Variants in CPED1 observed in about 807,000 individuals in gnomAD.
CPED1 encodes cadherin like and PC-esterase domain containing 1, also known as cadherin-like and PC-esterase domain-containing protein 1.
In CPED1, 114 loss-of-function variants were observed where a neutral mutation model predicts 128.2. The observed-to-expected ratio is 0.89, with a 90% CI of 0.76 to 1.04. The LOEUF (loss-of-function observed/expected upper bound fraction) is 1.04, where lower values mean the gene tolerates loss of function less well. Ranked by LOEUF, CPED1 falls within the 50% of genes least tolerant of loss-of-function variation. The pLI is 0.00. For missense variants in CPED1, 1,211 were observed against 1,207.1 expected, an observed-to-expected ratio of 1.00 and a Z score of -0.05; for synonymous variants, 462 against 426.7, an observed-to-expected ratio of 1.08 and a Z score of -1.02.
At chr7:121,087,663 T>A in intron 5 of CPED1, among the ~76,000 whole-genome samples, 1 of 84,780 alleles carries the variant, frequency 1.2e-5, no homozygotes, top group Non-Finnish European at 2.3e-5. Context: ...TTCTTTTCTT[T>A]CCTGTTTTTT....
chr7:121,109,468 C>T (rs568874884), intron 7 of CPED1, among the ~76,000 whole-genome samples: 1 of 152,132 alleles, frequency 6.6e-6, no homozygotes, highest in African/African-American at 2.4e-5. Flanking sequence ...GGACTTCAAA[C>T]AGGAGAGGAA....
intron 7 of CPED1, among the ~76,000 whole-genome samples, chr7:121,123,130 TA>T (rs1454797876): frequency 3.3e-5 from 5 of 152,226 alleles, no homozygotes; most frequent in Non-Finnish European, 7.3e-5. Context: ...ATACAATTAT[TA>T]CATTTATTTT....
At chr7:121,016,611 T>C (rs1792307933) in intron 3 of CPED1, among the ~76,000 whole-genome samples, 4 of 152,202 alleles carry the variant, frequency 2.6e-5, no homozygotes, top group South Asian at 2.1e-4. Flanking sequence ...ATCTTACATC[T>C]GGTGTGAGGG....
Position 121,284,291 on chromosome 7 carries a change from C to T in CPED1, c.2869-11149C>T, listed in dbSNP as rs982301975. ...CTCCCACGAGGTCCCTCTCATAACA[C>T]GTGTGGATTATGGGAACTAAAACTC... On this transcript the variant is annotated intron_variant, in intron 22 of 22. Coordinates refer to ENST00000310396, the MANE Select transcript of CPED1 (RefSeq NM_024913.5). Among the ~76,000 whole-genome samples, 9 of 152,110 alleles carry T rather than the reference C, an allele frequency of 5.9e-5. No homozygotes were observed. In the East Asian group the frequency reaches 1.2e-3, roughly 20 times the overall value.
chr7:121,145,529 T>C (rs1796005801), intron 16 of CPED1, among the ~76,000 whole-genome samples: 1 of 152,042 alleles, frequency 6.6e-6, no homozygotes, highest in Non-Finnish European at 1.5e-5. Flanking sequence ...GTCAAATGAG[T>C]GAACACAAAA....
At position 121,078,179 on chromosome 7, in the gene CPED1, G is replaced by T. The variant is rs1156599731; in HGVS notation, c.616+13866G>T. ...CCTGCCTCAGTCTCCCGAGTAGCTG[G>T]GACTATAGGTGTGCACCACCACACC... On this transcript the variant is annotated intron_variant, in intron 5 of 22. Transcript: ENST00000310396. Among the ~76,000 whole-genome samples the T allele has an allele frequency of 3.9e-5, 6 of 151,988 alleles. No individual in the cohort carries two copies. The East Asian group carries it at 1.2e-3, about 29-fold the overall frequency.
intron 18 of CPED1, among the ~76,000 whole-genome samples, chr7:121,253,723 G>A (rs1798741249): frequency 6.6e-6 from 1 of 151,936 alleles, no homozygotes; most frequent in African/African-American, 2.4e-5. Flanking sequence ...AAAGTAAAGG[G>A]ATGAAGAAAG....
At chr7:121,077,914 A>G (rs1044315604) in intron 5 of CPED1, among the ~76,000 whole-genome samples, 1 of 152,052 alleles carries the variant, frequency 6.6e-6, no homozygotes, top group African/African-American at 2.4e-5. Flanking sequence ...TTTCAGGCTT[A>G]GAGTATCCTC....
chr7:121,072,507 T>G (rs1047347072), intron 5 of CPED1, among the ~76,000 whole-genome samples: 1 of 152,150 alleles, frequency 6.6e-6, no homozygotes, highest in African/African-American at 2.4e-5. Context: ...CTTTTTTCAA[T>G]TCAGTATGGG....
Position 121,272,273 on chromosome 7 carries a change from A to G in CPED1, c.2868+843A>G, listed in dbSNP as rs1045237598. Among the ~76,000 whole-genome samples, 3 of 151,946 alleles carry G rather than the reference A, an allele frequency of 2.0e-5. No individual in the cohort carries two copies. The East Asian group carries it at 5.8e-4, about 29-fold the overall frequency. On this transcript the variant is annotated intron_variant, in intron 22 of 22. Transcript: ENST00000310396. ...TCCTTCTCTACTTTTATTCTTCTACATTTTTCTGCGTTGGTCAGAGTAGAG... is the reference window on the plus strand; with the variant it reads ...TCCTTCTCTACTTTTATTCTTCTACGTTTTTCTGCGTTGGTCAGAGTAGAG...
At chr7:121,046,038 G>GATATAGAT (rs1300569840) in intron 3 of CPED1, among the ~76,000 whole-genome samples, 2 of 151,680 alleles carry the variant, frequency 1.3e-5, no homozygotes, top group East Asian at 3.9e-4. Flanking sequence ...TCTATATGTA[G>GATATAGAT]ATATAGATAT....
chr7:121,187,172 A>G (rs1797021503), intron 16 of CPED1, among the ~76,000 whole-genome samples: 1 of 152,226 alleles, frequency 6.6e-6, no homozygotes. Flanking sequence ...TATAATAATT[A>G]CAGATTATGC....
rs1427403431 is a variant in CPED1 at position 121,296,580 on chromosome 7, T to G, written c.*928T>G. ...ATAGGTGCTTTTTCCCACCAAGCAT[T>G]TGCATATGTCCACAAATAGTATTAT... On this transcript the variant is annotated 3_prime_UTR_variant, in exon 23 of 23. Coordinates refer to ENST00000310396, the MANE Select transcript of CPED1 (RefSeq NM_024913.5). The G allele has an allele frequency of 6.6e-6, 1 of 152,156 alleles. No homozygotes were observed. The highest frequency in any genetic ancestry group is 1.5e-5 in the Non-Finnish European group (1 of 67,970). The allele number at this position is 152,156 out of a possible 1,614,324, so 9.4% of individuals were successfully genotyped here. A position where few individuals can be genotyped will look rare whatever the true frequency, so the allele number is the denominator to read the frequency against.
chr7:121,024,788 A>T (rs1348591281), intron 3 of CPED1, among the ~76,000 whole-genome samples: 1 of 152,176 alleles, frequency 6.6e-6, no homozygotes, highest in Non-Finnish European at 1.5e-5. Context: ...ATTTGTAAAA[A>T]CACATAATAT....
intron 3 of CPED1, among the ~76,000 whole-genome samples, chr7:121,032,244 C>T (rs1415044995): frequency 6.6e-6 from 1 of 151,796 alleles, no homozygotes; most frequent in Non-Finnish European, 1.5e-5. Flanking sequence ...TAAGGACAAA[C>T]AAAAGAAGCA....
At chr7:121,052,645 G>A (rs1224968069) in intron 4 of CPED1, among the ~76,000 whole-genome samples, 1 of 152,178 alleles carries the variant, frequency 6.6e-6, no homozygotes, top group Non-Finnish European at 1.5e-5. Flanking sequence ...TGAGAAGGGG[G>A]TTATGGGTGA....
chr7:121,194,314 G>C (rs1291613213), intron 16 of CPED1, among the ~76,000 whole-genome samples: 1 of 151,872 alleles, frequency 6.6e-6, no homozygotes, highest in African/African-American at 2.4e-5. Context: ...GCCTCCCAAA[G>C]TGCTGGGATT....
At chr7:121,204,751 T>C (rs1462091034) in intron 16 of CPED1, among the ~76,000 whole-genome samples, 1 of 152,166 alleles carries the variant, frequency 6.6e-6, no homozygotes, top group Non-Finnish European at 1.5e-5. Flanking sequence ...AGGTCAAGTT[T>C]CCTGGCAGCC....
chr7:121,069,992 G>A (rs750059860), intron 5 of CPED1, among the ~76,000 whole-genome samples: 8 of 151,846 alleles, frequency 5.3e-5, no homozygotes, highest in Non-Finnish European at 7.4e-5. Context: ...AATATACCAG[G>A]ACTTGTATTC....
Sources: allele counts gnomAD v4.1 joint callset (sites outside exome capture counted in the v4.1 genomes callset), GRCh38; gene constraint gnomAD v4.1.1; transcripts MANE v1.5; gene names NCBI Gene and HGNC (gene_info 2026-07-23, HGNC 2026-07-21).